Variants in SULT1E1 observed in about 807,000 individuals in gnomAD.
SULT1E1 encodes sulfotransferase family 1E member 1, also known as sulfotransferase 1E1.
Under a neutral mutation model 33.6 loss-of-function variants are expected in SULT1E1, and 36 were observed. The observed-to-expected ratio is 1.07, with a 90% CI of 0.82 to 1.41. The LOEUF (loss-of-function observed/expected upper bound fraction) is 1.41, where lower values mean the gene tolerates loss of function less well. SULT1E1 is among the 40% of genes most tolerant of loss of function. SULT1E1 has a pLI of 0.00. For missense variants in SULT1E1, 371 were observed against 345.7 expected (o/e 1.07, Z -0.58); for synonymous variants, 121 against 111.7 (o/e 1.08, Z -0.53).
intron 6 of SULT1E1, among the ~76,000 whole-genome samples, chr4:69,846,443 A>T (rs1220703): frequency 0.53 from 79,580 of 150,830 alleles, 21,309 homozygotes; most frequent in South Asian, 0.59. Context: ...TGATGTGTAT[A>T]TTTAGTGTAC....
At chr4:69,832,928 T>C in the SULT1E1 span, among the ~76,000 whole-genome samples, 2 of 152,200 alleles carry the variant, frequency 1.3e-5, no homozygotes, top group East Asian at 3.9e-4. Flanking sequence ...ATCTCTATAT[T>C]GAGGGAGTGC....
Position 69,844,133 on chromosome 4 carries a change from G to T in SULT1E1, c.772+28C>A, listed in dbSNP as rs1330678825. 3 of 1,610,620 alleles carry T rather than the reference G, an allele frequency of 1.9e-6. No individual in the cohort carries two copies. In the African/African-American group the frequency reaches 4.0e-5, roughly 21 times the overall value. On this transcript the variant is annotated intron_variant, in intron 7 of 7. Transcript: ENST00000226444. ...CCATGTCACCTTGTGACTTCCTCTA[G>T]TATCGAGGCAAACCACATTTTTCTC...
At chr4:69,827,421 G>A in the SULT1E1 span, among the ~76,000 whole-genome samples, 19 of 152,166 alleles carry the variant, frequency 1.2e-4, no homozygotes, top group African/African-American at 3.9e-4. Flanking sequence ...CTGTTGACCC[G>A]TGTTCTAGAA....
Position 69,855,356 on chromosome 4 carries a change from ATCT to A in SULT1E1, c.213_215del (p.Glu71del). On this transcript the variant is annotated inframe_deletion, in exon 3 of 8. Coordinates refer to ENST00000226444, the MANE Select transcript of SULT1E1 (RefSeq NM_005420.3). ...GGAAAGGTATTCGATTAAAAATTAC[ATCT>A]TCTTTGCACTTTTCCACATCACCCT... 6.2e-7 allele frequency: 1 copy of A among 1,613,304 alleles called. No homozygotes were observed. Among genetic ancestry groups the A allele is most frequent in the Non-Finnish European group, 8.5e-7 (1 of 1,179,582 alleles).
At position 69,842,106 on chromosome 4, in the gene SULT1E1, C is replaced by A; in HGVS notation, c.773G>T (p.Gly258Val). Residue 258 changes from glycine (G) to valine (V), a missense_variant and splice_region_variant, in exon 8 of 8, where the codon GGA (glycine) becomes GTA (valine). Coordinates refer to ENST00000226444, the MANE Select transcript of SULT1E1 (RefSeq NM_005420.3). ...GTGATTTTTCCAGTCTCCTGTAATTCCTGTAACAAAAAAGAAAGCTCAATA... is the reference window on the plus strand; with the variant it reads ...GTGATTTTTCCAGTCTCCTGTAATTACTGTAACAAAAAAGAAAGCTCAATA... ...NQKLSPFMRK[G>V]ITGDWKNHFT... is the part of the protein sequence containing the mutation. 1 of 1,555,354 alleles carries A rather than the reference C, an allele frequency of 6.4e-7. No homozygotes were observed. Among genetic ancestry groups the A allele is most frequent in the South Asian group, 1.2e-5 (1 of 85,822 alleles).
In SULT1E1 at chr4:69,857,538, C is replaced by A; in HGVS notation, c.107G>T (p.Arg36Ile). The A allele has an allele frequency of 6.2e-7, 1 of 1,612,066 alleles. No homozygotes were observed. Among genetic ancestry groups the A allele is most frequent in the South Asian group, 1.1e-5 (1 of 90,530 alleles). ...YWDNVEAFQA[R>I]PDDLVIATYP... ...GGTGGCAATGACAAGATCATCTGGT[C>A]TTGCCTGGAACGCTTCCACATTATC... Residue 36 changes from arginine to isoleucine, a missense_variant, in exon 2 of 8, where the codon AGA becomes ATA. Coordinates refer to ENST00000226444, the MANE Select transcript of SULT1E1 (RefSeq NM_005420.3).
At chr4:69,854,519 C>T (rs928943420) in intron 3 of SULT1E1, among the ~76,000 whole-genome samples, 10 of 151,948 alleles carry the variant, frequency 6.6e-5, no homozygotes, top group African/African-American at 2.2e-4. Flanking sequence ...TATATCAAAA[C>T]ATCTCATGTG....
At chr4:69,834,045 A>G in the SULT1E1 span, among the ~76,000 whole-genome samples, 1 of 152,026 alleles carries the variant, frequency 6.6e-6, no homozygotes, top group Non-Finnish European at 1.5e-5. Flanking sequence ...TTATCTTGAA[A>G]CATTTTGTTT....
chr4:69,850,154 A>T (rs916557881), intron 4 of SULT1E1, among the ~76,000 whole-genome samples: 1 of 152,086 alleles, frequency 6.6e-6, no homozygotes, highest in Non-Finnish European at 1.5e-5. Flanking sequence ...CCAATGAATT[A>T]GTTTTCAGAA....
At chr4:69,844,437 A>T in intron 6 of SULT1E1, 96 bp from the exon 7 acceptor site, 1 of 873,186 alleles carries the variant, frequency 1.1e-6, no homozygotes, top group Non-Finnish European at 1.7e-6. Context: ...CTTTTCTCCT[A>T]CTGATATTAG....
chr4:69,838,862 A>G (rs72648482), downstream of SULT1E1, among the ~76,000 whole-genome samples: 18,654 of 152,194 alleles, frequency 0.12, 1,250 homozygotes, highest in Middle Eastern at 0.18. Context: ...CCTTTATAAG[A>G]AAGTCCCAAT....
intron 7 of SULT1E1, among the ~76,000 whole-genome samples, chr4:69,843,857 A>G (rs562675796): frequency 6.6e-6 from 1 of 152,232 alleles, no homozygotes; most frequent in Non-Finnish European, 1.5e-5. Flanking sequence ...TATATGATAC[A>G]TGTTGTAACA....
chr4:69,850,592 G>C (rs1488756345), intron 4 of SULT1E1, among the ~76,000 whole-genome samples: 1 of 152,000 alleles, frequency 6.6e-6, no homozygotes, highest in East Asian at 1.9e-4. Context: ...TAGCCATATT[G>C]AACTTTTCCA....
Position 69,850,072 on chromosome 4 carries a change from A to G in SULT1E1, c.370-509T>C, listed in dbSNP as rs530060096. 3.3e-5 allele frequency among the ~76,000 whole-genome samples: 5 copies of G among 152,156 alleles called. No homozygotes were observed. In the South Asian group the frequency reaches 6.2e-4, roughly 19 times the overall value. On this transcript the variant is annotated intron_variant, in intron 4 of 7. Coordinates refer to ENST00000226444, the MANE Select transcript of SULT1E1 (RefSeq NM_005420.3). The stretch of plus-strand genomic sequence containing the variant: ...TTCACTTTCAATATTACAGGAAAAA[A>G]ACATTTTATGAGGTGAAAATATAAC...
the SULT1E1 span, among the ~76,000 whole-genome samples, chr4:69,825,126 A>G: frequency 2.0e-5 from 3 of 152,100 alleles, no homozygotes; most frequent in Non-Finnish European, 2.9e-5. Flanking sequence ...TTCACTCCTG[A>G]AGCCAGCGAG....
the SULT1E1 span, among the ~76,000 whole-genome samples, chr4:69,822,700 C>T: frequency 2.0e-5 from 3 of 152,132 alleles, no homozygotes; most frequent in African/African-American, 7.2e-5. Flanking sequence ...TATTCATCCC[C>T]ATCTTGTTTT....
chr4:69,835,188 C>T, the SULT1E1 span, among the ~76,000 whole-genome samples: 1 of 152,192 alleles, frequency 6.6e-6, no homozygotes, highest in African/African-American at 2.4e-5. Context: ...AACTGTCCTT[C>T]AGTTTCCATA....
the SULT1E1 span, among the ~76,000 whole-genome samples, chr4:69,824,829 C>T: frequency 6.6e-6 from 1 of 152,220 alleles, no homozygotes; most frequent in African/African-American, 2.4e-5. Flanking sequence ...TGGGCAGGGC[C>T]AAATAAGGGA....
chr4:69,850,022 T>TA (rs998542399), intron 4 of SULT1E1, among the ~76,000 whole-genome samples: 29 of 150,436 alleles, frequency 1.9e-4, no homozygotes, highest in Admixed American at 4.0e-4. Flanking sequence ...TCCACATAAT[T>TA]AAAAAAAAAT....
Sources: gnomAD v4.1 joint callset for allele counts (sites outside exome capture counted in the v4.1 genomes callset) on GRCh38, gnomAD v4.1.1 for gene constraint, MANE v1.5 for transcripts, NCBI Gene and HGNC (gene_info 2026-07-23, HGNC 2026-07-21) for gene names.